The following XDH variants were observed in gnomAD, a reference collection of about 807,000 sequenced individuals.
The protein encoded by XDH is xanthine dehydrogenase/oxidase.
XDH carries 138 observed loss-of-function variants against 156.1 expected under a neutral mutation model. That is an observed-to-expected ratio of 0.88 (90% CI 0.77 to 1.02). The LOEUF is 1.02. Among genes scored for constraint, XDH ranks in the 50% least tolerant of loss-of-function variants. The pLI, the probability that XDH is intolerant of heterozygous loss-of-function variation, is 0.00. For missense variants in XDH, 1,849 were observed against 1,684.9 expected, an observed-to-expected ratio of 1.10 and a Z score of -1.71; for synonymous variants, 669 against 625.7, an observed-to-expected ratio of 1.07 and a Z score of -1.03.
chr2:31,378,168 AAGGAAGG>A (rs1686324248), intron 13 of XDH, among the ~76,000 whole-genome samples: 1 of 86,682 alleles, frequency 1.2e-5, no homozygotes, highest in South Asian at 4.5e-4. Flanking sequence ...GGAAGGAAGG[AAGGAAGG>A]AAGCAAGCAA....
At chr2:31,403,305 G>A (rs1687111397) in intron 2 of XDH, among the ~76,000 whole-genome samples, 161 bp from the exon 3 acceptor site, 1 of 152,190 alleles carries the variant, frequency 6.6e-6, no homozygotes, top group South Asian at 2.1e-4. Context: ...CTTATTCAGA[G>A]GGGCTGCACT....
intron 24 of XDH, 72 bp from the exon 25 acceptor site, chr2:31,350,295 G>C (rs749682155): frequency 6.7e-6 from 10 of 1,489,586 alleles, no homozygotes; most frequent in Non-Finnish European, 8.3e-6. Flanking sequence ...TAGGAACTTT[G>C]AGGGCTGTAT....
chr2:31,337,360 G>A (rs895306440), intron 35 of XDH, among the ~76,000 whole-genome samples: 23 of 152,190 alleles, frequency 1.5e-4, no homozygotes, highest in African/African-American at 5.3e-4. Flanking sequence ...TTATCTAGAT[G>A]GAAAATAATA....
chr2:31,393,600 G>C (rs7578359), intron 6 of XDH, among the ~76,000 whole-genome samples: 1,756 of 152,096 alleles, frequency 0.012, 44 homozygotes, highest in African/African-American at 0.04. Context: ...GGTGTATTTA[G>C]ATCACTGACA....
intron 9 of XDH, 50 bp from the exon 10 acceptor site, chr2:31,383,897 G>T (rs1686510870): frequency 6.4e-7 from 1 of 1,558,464 alleles, no homozygotes; most frequent in African/African-American, 1.4e-5. Flanking sequence ...TGTATCACCA[G>T]GGCAGGCCTT....
chr2:31,408,322 G>A (rs778602267), intron 1 of XDH, among the ~76,000 whole-genome samples: 8 of 152,190 alleles, frequency 5.3e-5, no homozygotes, highest in Non-Finnish European at 8.8e-5. Flanking sequence ...CCAGCCACAA[G>A]TGGATTGCTA....
chr2:31,383,638 G>A (rs925327793), intron 10 of XDH, 117 bp downstream of exon 10: 6 of 944,348 alleles, frequency 6.4e-6, no homozygotes, highest in African/African-American at 3.3e-5. Flanking sequence ...TGAGCCCCAG[G>A]AGAAGCAGGG....
At chr2:31,349,428 C>T (rs531123335) in intron 26 of XDH, among the ~76,000 whole-genome samples, 11 of 152,212 alleles carry the variant, frequency 7.2e-5, no homozygotes, top group African/African-American at 1.9e-4. Context: ...CTTTATCATA[C>T]GGTGTGCCCA....
intron 25 of XDH, 98 bp from the exon 26 acceptor site, chr2:31,349,929 C>A: frequency 1.2e-6 from 2 of 1,611,734 alleles, no homozygotes; most frequent in Non-Finnish European, 1.7e-6. Flanking sequence ...TCAGCAGCCC[C>A]TGCCTGTCAT....
At chr2:31,392,394 ATT>A (rs1686791013) in intron 6 of XDH, among the ~76,000 whole-genome samples, 1 of 149,410 alleles carries the variant, frequency 6.7e-6, no homozygotes, top group Admixed American at 6.7e-5. Context: ...CAGATTGCTG[ATT>A]TTATTTGTAT....
At chr2:31,369,893 T>C (rs887111844) in intron 18 of XDH, among the ~76,000 whole-genome samples, 4 of 152,252 alleles carry the variant, frequency 2.6e-5, no homozygotes, top group Non-Finnish European at 4.4e-5. Context: ...AGGACTTTTG[T>C]AGCAGCTGTC....
intron 28 of XDH, 62 bp from the exon 29 acceptor site, chr2:31,347,712 T>A (rs1685339731): frequency 6.3e-7 from 1 of 1,580,426 alleles, no homozygotes. Context: ...GGCTGCCTTC[T>A]CCCCAAGACA....
intron 9 of XDH, among the ~76,000 whole-genome samples, chr2:31,385,519 G>T (rs556249391): frequency 6.6e-6 from 1 of 152,330 alleles, no homozygotes; most frequent in African/African-American, 2.4e-5. Context: ...GGACCTGACT[G>T]CTTAGAAGGA....
At chr2:31,362,444 T>C (rs1685802077) in intron 24 of XDH, among the ~76,000 whole-genome samples, 2 of 152,216 alleles carry the variant, frequency 1.3e-5, no homozygotes, top group Non-Finnish European at 2.9e-5. Flanking sequence ...CTATTAAAGT[T>C]CTTACTAACT....
intron 22 of XDH, 114 bp from the exon 23 acceptor site, chr2:31,365,658 G>C (rs1685894479): frequency 4.0e-6 from 5 of 1,255,940 alleles, no homozygotes; most frequent in South Asian, 1.2e-5. Flanking sequence ...ACGCTGAGCA[G>C]ACCTGTACAG....
intron 7 of XDH, 67 bp from the exon 8 acceptor site, chr2:31,387,964 T>C (rs1686657053): frequency 6.0e-6 from 9 of 1,505,904 alleles, no homozygotes; most frequent in Non-Finnish European, 8.1e-6. Flanking sequence ...GAGGACCAAT[T>C]CAGCCTTTCC....
chr2:31,414,646 A>G lies in XDH; in HGVS notation c.21T>C (p.Val7=). 4 of 1,614,112 alleles carry G rather than the reference A, an allele frequency of 2.5e-6. No homozygotes were observed. The highest frequency in any genetic ancestry group is 1.7e-6 in the Non-Finnish European group (2 of 1,179,998). The change falls in exon 1 of 36, where the codon GTT becomes GTC. Residue 7 remains valine, a synonymous_variant. Coordinates refer to ENST00000379416, the MANE Select transcript of XDH (RefSeq NM_000379.4). Reference sequence around the variant, plus strand: ...TTACCTTTCTGCCATTCACAAAGAAAACCAATTTGTCTGCTGTCATTGTCA... The same window carrying G: ...TTACCTTTCTGCCATTCACAAAGAAGACCAATTTGTCTGCTGTCATTGTCA... MTADKL[V]FFVNGRKVVE...
intron 4 of XDH, 100 bp downstream of exon 4, chr2:31,401,118 ACT>A (rs761950356): frequency 3.1e-5 from 41 of 1,325,304 alleles, no homozygotes; most frequent in Non-Finnish European, 4.3e-5. Flanking sequence ...AAGCAGTGAA[ACT>A]CTTCCCAACA....
In XDH at chr2:31,362,211, G is replaced by C. The variant is rs189103480; in HGVS notation, c.2631+1947C>G. Among the ~76,000 whole-genome samples the C allele has an allele frequency of 3.3e-3, 496 of 152,244 alleles. 2 individuals are homozygous for C. Among genetic ancestry groups the C allele is most frequent in the African/African-American group, 0.012 (479 of 41,538 alleles). On this transcript the variant is annotated intron_variant, in intron 24 of 35. Coordinates refer to ENST00000379416, the MANE Select transcript of XDH (RefSeq NM_000379.4). ...CTTTAACTGAAGGTGCTATGTTCGA[G>C]GCACCATTGACTATGATTTGGGATC...
Sources: gnomAD v4.1 joint callset for allele counts (sites outside exome capture counted in the v4.1 genomes callset) on GRCh38, gnomAD v4.1.1 for gene constraint, MANE v1.5 for transcripts, NCBI Gene and HGNC (gene_info 2026-07-23, HGNC 2026-07-21) for gene names.